PPM1H: variants seen among roughly 807,000 people sequenced by gnomAD.
PPM1H encodes protein phosphatase 1H.
PPM1H carries 27 observed loss-of-function variants against 54.9 expected under a neutral mutation model. The ratio of observed to expected loss-of-function variants is 0.49; its 90% CI spans 0.36 to 0.68. The LOEUF is 0.68. Ranked by LOEUF, PPM1H falls within the 30% of genes least tolerant of loss-of-function variation. The pLI is 0.00. For synonymous variants in PPM1H, 305 were observed against 270.8 expected (o/e 1.13, Z -1.24); for missense variants, 596 against 667.8 (o/e 0.89, Z 1.19).
At chr12:62,652,934 A>G (rs78288072) in intron 9 of PPM1H, among the ~76,000 whole-genome samples, 7,286 of 152,262 alleles carry the variant, frequency 0.048, 269 homozygotes, top group Non-Finnish European at 0.071. Flanking sequence ...TGTGAGTGGT[A>G]AGCTCACCTA....
At chr12:62,891,279 A>G (rs1398369683) in intron 1 of PPM1H, among the ~76,000 whole-genome samples, 1 of 152,202 alleles carries the variant, frequency 6.6e-6, no homozygotes, top group Non-Finnish European at 1.5e-5. Context: ...AAAAGCAGCA[A>G]TCATAAAAGG....
rs762590519 is a variant in PPM1H, at chr12:62,902,329, G to C, written c.245+32163C>G. Among the ~76,000 whole-genome samples the C allele has an allele frequency of 1.1e-4, 17 of 151,504 alleles. No homozygotes were observed. The East Asian group carries it at 1.7e-3, about 16-fold the overall frequency. ...AGATCGCACCATTGCACTGCAGCCTGGGCAAAAGAGCAAGACTCCAACTCA... is the reference window on the plus strand; with the variant it reads ...AGATCGCACCATTGCACTGCAGCCTCGGCAAAAGAGCAAGACTCCAACTCA... On this transcript the variant is annotated intron_variant, in intron 1 of 9. Coordinates refer to ENST00000228705, the MANE Select transcript of PPM1H (RefSeq NM_020700.2).
chr12:62,704,805 C>T (rs1023603689), intron 6 of PPM1H, among the ~76,000 whole-genome samples: 2 of 152,144 alleles, frequency 1.3e-5, no homozygotes, highest in South Asian at 2.1e-4. Flanking sequence ...CTCTGGTCCC[C>T]GACAATGCAG....
At chr12:62,735,076 G>A (rs112326945) in intron 5 of PPM1H, among the ~76,000 whole-genome samples, 3 of 152,268 alleles carry the variant, frequency 2.0e-5, no homozygotes, top group East Asian at 1.9e-4. Context: ...CGGAAGGTGA[G>A]GATAGGATAT....
chr12:62,797,914 T>C (rs2076745361), intron 3 of PPM1H, among the ~76,000 whole-genome samples: 1 of 151,714 alleles, frequency 6.6e-6, no homozygotes, highest in Admixed American at 6.6e-5. Flanking sequence ...AATGGGAGAG[T>C]ATTAACAATT....
At chr12:62,656,192 G>C (rs747077144) in intron 9 of PPM1H, among the ~76,000 whole-genome samples, 1 of 152,188 alleles carries the variant, frequency 6.6e-6, no homozygotes, top group Non-Finnish European at 1.5e-5. Flanking sequence ...AAGGGCTCTG[G>C]GTGTAAGCGT....
At chr12:62,780,432 C>T (rs1176857539) in intron 4 of PPM1H, among the ~76,000 whole-genome samples, 4 of 152,212 alleles carry the variant, frequency 2.6e-5, no homozygotes, top group Admixed American at 6.5e-5. Context: ...TCCTGAGTAG[C>T]TGGGACCACA....
At chr12:62,821,664 C>T (rs1237818684) in intron 2 of PPM1H, among the ~76,000 whole-genome samples, 2 of 152,126 alleles carry the variant, frequency 1.3e-5, no homozygotes, top group African/African-American at 4.8e-5. Flanking sequence ...CCAAACTAAG[C>T]TTCATAAGTG....
At chr12:62,839,664 A>C (rs1170010307) in intron 1 of PPM1H, among the ~76,000 whole-genome samples, 1 of 71,110 alleles carries the variant, frequency 1.4e-5, no homozygotes, top group African/African-American at 1.6e-4. Flanking sequence ...AGTAAATCCA[A>C]AAAAAAAAAA....
At chr12:62,763,302 C>T (rs1316393496) in intron 4 of PPM1H, among the ~76,000 whole-genome samples, 5 of 152,312 alleles carry the variant, frequency 3.3e-5, no homozygotes, top group South Asian at 2.1e-4. Context: ...CTCCAAGCCT[C>T]GGCTCCCTCC....
intron 1 of PPM1H, among the ~76,000 whole-genome samples, chr12:62,875,185 T>G (rs1870115977): frequency 6.6e-6 from 1 of 152,202 alleles, no homozygotes; most frequent in Non-Finnish European, 1.5e-5. Flanking sequence ...ACACAACCAG[T>G]GAGTGGTAAA....
intron 2 of PPM1H, among the ~76,000 whole-genome samples, chr12:62,819,359 A>G (rs1411904909): frequency 7.0e-6 from 1 of 142,946 alleles, no homozygotes; most frequent in Admixed American, 7.1e-5. Context: ...GAACTCCTGA[A>G]CTCATGATCC....
chr12:62,932,018 T>C (rs890003699), intron 1 of PPM1H, among the ~76,000 whole-genome samples: 2 of 151,142 alleles, frequency 1.3e-5, no homozygotes, highest in African/African-American at 4.9e-5. Flanking sequence ...AAGCCAAATA[T>C]CACCCAAACA....
At position 62,708,668 on chromosome 12, in the gene PPM1H, T is replaced by C. The variant is rs574558030; in HGVS notation, c.1073+11503A>G. 3.3e-5 allele frequency among the ~76,000 whole-genome samples: 5 copies of C among 152,336 alleles called. No homozygotes were observed. The East Asian group carries it at 9.6e-4, about 29-fold the overall frequency. ...AGGCTGAGAATTAGCCCATAGGTCC[T>C]TTTCTTTTTTCTTAAATCATCTTCT... On this transcript the variant is annotated intron_variant, in intron 6 of 9. Coordinates refer to ENST00000228705, the MANE Select transcript of PPM1H (RefSeq NM_020700.2).
At chr12:62,765,105 T>G (rs1209482690) in intron 4 of PPM1H, among the ~76,000 whole-genome samples, 1 of 152,100 alleles carries the variant, frequency 6.6e-6, no homozygotes, top group Non-Finnish European at 1.5e-5. Context: ...CTGTTGTGTG[T>G]GGAAACTGGA....
intron 3 of PPM1H, among the ~76,000 whole-genome samples, chr12:62,796,488 A>G (rs1180900031): frequency 1.3e-5 from 2 of 152,290 alleles, no homozygotes; most frequent in South Asian, 4.1e-4. Context: ...AATCAGGAAA[A>G]ATTTACTTAC....
chr12:62,703,960 G>T (rs2076158547), intron 6 of PPM1H, among the ~76,000 whole-genome samples: 2 of 130,470 alleles, frequency 1.5e-5, no homozygotes, highest in East Asian at 4.5e-4. Flanking sequence ...CTCACTACAT[G>T]AAAGAGAGAG....
At chr12:62,842,518 T>C (rs1868790859) in intron 1 of PPM1H, among the ~76,000 whole-genome samples, 2 of 152,224 alleles carry the variant, frequency 1.3e-5, no homozygotes, top group African/African-American at 2.4e-5. Context: ...ACATTTTTAA[T>C]TGACAGGTCC....
chr12:62,727,641 T>TATTATTATC (rs1275752005), intron 5 of PPM1H, among the ~76,000 whole-genome samples: 2 of 108,112 alleles, frequency 1.8e-5, no homozygotes, highest in Non-Finnish European at 3.9e-5. Context: ...ATGCAAATAT[T>TATTATTATC]ATTATTATTA....
Sources: allele counts gnomAD v4.1 joint callset (sites outside exome capture counted in the v4.1 genomes callset), GRCh38; gene constraint gnomAD v4.1.1; transcripts MANE v1.5; gene names NCBI Gene and HGNC (gene_info 2026-07-23, HGNC 2026-07-21).